Variants in LYRM4 observed in about 807,000 individuals in gnomAD.
The protein encoded by LYRM4 is LYR motif-containing protein 4.
Under a neutral mutation model 11.7 loss-of-function variants are expected in LYRM4, and 9 were observed. The ratio of observed to expected loss-of-function variants is 0.77; its 90% confidence interval spans 0.46 to 1.34. The LOEUF is 1.34. LYRM4 is among the 40% of genes most tolerant of loss of function. The pLI, the probability that LYRM4 is intolerant of heterozygous loss-of-function variation, is 0.00. For missense variants in LYRM4, 133 were observed against 112.5 expected (o/e 1.18, Z -0.82); for synonymous variants, 42 against 40.4 (o/e 1.04, Z -0.15).
At chr6:5,227,865 C>T (rs759258525) in intron 1 of LYRM4, among the ~76,000 whole-genome samples, 43 of 152,160 alleles carry the variant, frequency 2.8e-4, no homozygotes, top group Admixed American at 1.0e-3. Flanking sequence ...CCATTATCCT[C>T]AGCAAACTAA....
intron 2 of LYRM4, among the ~76,000 whole-genome samples, chr6:5,212,111 T>G (rs1248461304): frequency 6.6e-6 from 1 of 152,224 alleles, no homozygotes; most frequent in Non-Finnish European, 1.5e-5. Context: ...ATGCTGATGC[T>G]GCAGGTCTCT....
intron 2 of LYRM4, among the ~76,000 whole-genome samples, chr6:5,181,979 T>C (rs1192647942): frequency 6.6e-6 from 1 of 152,232 alleles, no homozygotes; most frequent in Non-Finnish European, 1.5e-5. Flanking sequence ...TGTTCCTTAT[T>C]GCTGTTAAGA....
At chr6:5,245,116 A>ATATATATATG (rs1764118828) in intron 1 of LYRM4, among the ~76,000 whole-genome samples, 6 of 14,720 alleles carry the variant, frequency 4.1e-4, no homozygotes, top group South Asian at 3.4e-3. Flanking sequence ...AAAAAAAAAT[A>ATATATATATG]TATATATATA....
intron 2 of LYRM4, chr6:5,148,466 T>C (rs1757879451): frequency 6.1e-6 from 1 of 164,490 alleles, no homozygotes; most frequent in Non-Finnish European, 1.4e-5. Flanking sequence ...AATCCTGAGC[T>C]GGGCTGAGGG....
intron 2 of LYRM4, chr6:5,138,644 A>T (rs1486160471): frequency 8.4e-5 from 102 of 1,207,396 alleles, no homozygotes; most frequent in Non-Finnish European, 1.2e-4. Context: ...CTGTATATTA[A>T]GGAATTCTAA....
chr6:5,084,795 G>T, the LYRM4 span: 1 of 152,416 alleles, frequency 6.6e-6, no homozygotes, highest in East Asian at 1.9e-4. Context: ...CTGAAGTTTG[G>T]GGAAAGCAGG....
intron 2 of LYRM4, among the ~76,000 whole-genome samples, chr6:5,175,345 T>C (rs1759655635): frequency 1.3e-5 from 2 of 152,182 alleles, no homozygotes; most frequent in Admixed American, 1.3e-4. Context: ...AGCTGTCCTT[T>C]AAAACGTAGA....
intron 2 of LYRM4, among the ~76,000 whole-genome samples, chr6:5,155,287 G>A (rs1012493394): frequency 1.3e-5 from 2 of 152,102 alleles, no homozygotes; most frequent in African/African-American, 4.8e-5. Flanking sequence ...CACCATGTTG[G>A]CCAGGCTGGT....
At chr6:5,054,214 A>T in the LYRM4 span, 1 of 480,558 alleles carries the variant, frequency 2.1e-6, no homozygotes, top group South Asian at 8.9e-5. Context: ...CTATTTATCA[A>T]ATGAATGCCT....
At chr6:5,159,286 T>G (rs548726845) in intron 2 of LYRM4, among the ~76,000 whole-genome samples, 1 of 152,238 alleles carries the variant, frequency 6.6e-6, no homozygotes, top group African/African-American at 2.4e-5. Flanking sequence ...GGCCAGATTA[T>G]GCAATGCTGG....
chr6:5,071,019 C>T, the LYRM4 span, among the ~76,000 whole-genome samples: 2 of 151,718 alleles, frequency 1.3e-5, no homozygotes, highest in East Asian at 3.9e-4. Flanking sequence ...GTGAAACTGT[C>T]TCTACTAACA....
In LYRM4 at chr6:5,124,929, G is replaced by A. The variant is rs143348131; in HGVS notation, c.208-15438C>T. On this transcript the variant is annotated intron_variant, in intron 2 of 2. Transcript: ENST00000330636. ...TTGTGAGTATACTTTGTGTGGTTTC[G>A]GTGTTTGTCTCTGACATGAGACTGT... Among the ~76,000 whole-genome samples, 723 of 152,260 alleles carry A rather than the reference G, an allele frequency of 4.7e-3. 3 individuals carry two copies. Among genetic ancestry groups the A allele is most frequent in the African/African-American group, 0.015 (641 of 41,526 alleles).
chr6:5,187,958 A>G (rs759284774), intron 2 of LYRM4, among the ~76,000 whole-genome samples: 5 of 152,202 alleles, frequency 3.3e-5, no homozygotes, highest in Non-Finnish European at 5.9e-5. Context: ...CTACATAAGA[A>G]TCTTTATGTG....
chr6:5,220,840 T>C (rs1762538553), intron 1 of LYRM4, among the ~76,000 whole-genome samples: 2 of 152,212 alleles, frequency 1.3e-5, no homozygotes, highest in South Asian at 4.1e-4. Context: ...AGTTTTAGGT[T>C]TCTTTTTTCA....
chr6:5,061,439 T>C, the LYRM4 span, among the ~76,000 whole-genome samples: 14 of 152,202 alleles, frequency 9.2e-5, no homozygotes, highest in Non-Finnish European at 4.4e-5. Flanking sequence ...TTATACAAGA[T>C]AGTGAACAAT....
chr6:5,165,117 A>C (rs1201045299), intron 2 of LYRM4, among the ~76,000 whole-genome samples: 1 of 152,176 alleles, frequency 6.6e-6, no homozygotes, highest in African/African-American at 2.4e-5. Flanking sequence ...ATTCTTTGTA[A>C]GCATACAATT....
chr6:5,086,279 C>G, the LYRM4 span: 6 of 1,535,450 alleles, frequency 3.9e-6, no homozygotes, highest in Non-Finnish European at 4.4e-6. Context: ...GACGTGCCGG[C>G]TGAGCTGCAG....
At chr6:5,126,666 T>C (rs1023415702) in intron 2 of LYRM4, among the ~76,000 whole-genome samples, 2 of 152,222 alleles carry the variant, frequency 1.3e-5, no homozygotes, top group Admixed American at 1.3e-4. Context: ...GGAGTGAAGT[T>C]CAGATACATG....
chr6:5,102,109 G>T (rs1273824507), downstream of LYRM4, among the ~76,000 whole-genome samples: 1 of 150,742 alleles, frequency 6.6e-6, no homozygotes, highest in Non-Finnish European at 1.5e-5. Context: ...TTTTTTTAAA[G>T]ACATGTTTTA....
Sources: gnomAD v4.1 joint callset for allele counts (sites outside exome capture counted in the v4.1 genomes callset) on GRCh38, gnomAD v4.1.1 for gene constraint, MANE v1.5 for transcripts, NCBI Gene and HGNC (gene_info 2026-07-23, HGNC 2026-07-21) for gene names.